The following CAMK1D variants were observed in gnomAD, a reference collection of about 807,000 sequenced individuals.
CAMK1D encodes calcium/calmodulin-dependent protein kinase type 1D.
A neutral mutation model predicts 47.7 loss-of-function variants in CAMK1D; 9 were observed. The ratio of observed to expected loss-of-function variants is 0.19; its 90% CI spans 0.11 to 0.33. The LOEUF (loss-of-function observed/expected upper bound fraction) is 0.33. CAMK1D is among the 10% of genes least tolerant of loss of function. The pLI, the probability that CAMK1D is intolerant of heterozygous loss-of-function variation, is 1.00. For synonymous variants in CAMK1D, 184 were observed against 184.9 expected (o/e 0.99, Z 0.04); for missense variants, 291 against 488.7 (o/e 0.60, Z 3.81).
Position 12,691,731 on chromosome 10 carries a change from A to T in CAMK1D, c.299+24921A>T, listed in dbSNP as rs541351094. On this transcript the variant is annotated intron_variant, in intron 3 of 10. Coordinates refer to ENST00000619168, the MANE Select transcript of CAMK1D (RefSeq NM_153498.4). Reference sequence around the variant, plus strand: ...CTCCCAACGTGCTGGGATTACAAGCATGAGCCACCGCATCTGCTCCTCTAT... The same window carrying T: ...CTCCCAACGTGCTGGGATTACAAGCTTGAGCCACCGCATCTGCTCCTCTAT... 2.8e-4 allele frequency among the ~76,000 whole-genome samples: 43 copies of T among 152,116 alleles called. No individual in the cohort carries two copies. In the South Asian group the frequency reaches 7.7e-3, roughly 27 times the overall value.
At chr10:12,446,992 C>G (rs1043138077) in intron 1 of CAMK1D, among the ~76,000 whole-genome samples, 3 of 152,192 alleles carry the variant, frequency 2.0e-5, no homozygotes, top group Non-Finnish European at 2.9e-5. Flanking sequence ...CCCAATTCAT[C>G]CTAAGACATT....
chr10:12,378,174 C>T (rs940968052), intron 1 of CAMK1D, among the ~76,000 whole-genome samples: 2 of 152,248 alleles, frequency 1.3e-5, no homozygotes, highest in African/African-American at 2.4e-5. Context: ...GCCCAGGGGC[C>T]CATGTGCAAA....
At chr10:12,711,990 C>T (rs1236220776) in intron 3 of CAMK1D, among the ~76,000 whole-genome samples, 2 of 152,188 alleles carry the variant, frequency 1.3e-5, no homozygotes, top group African/African-American at 4.8e-5. Context: ...GATCAGGTTT[C>T]TCCTAAGTTT....
chr10:12,510,280 G>A (rs539027872), intron 1 of CAMK1D, among the ~76,000 whole-genome samples: 1 of 152,316 alleles, frequency 6.6e-6, no homozygotes, highest in Admixed American at 6.5e-5. Flanking sequence ...GCTGGGCGTG[G>A]TGGCACATAC....
At chr10:12,635,892 T>G (rs1839500424) in intron 2 of CAMK1D, among the ~76,000 whole-genome samples, 1 of 152,226 alleles carries the variant, frequency 6.6e-6, no homozygotes, top group Non-Finnish European at 1.5e-5. Flanking sequence ...ATTGCATATT[T>G]CAGTTATAAG....
chr10:12,752,852 A>G (rs577206750), intron 3 of CAMK1D, among the ~76,000 whole-genome samples: 2 of 152,318 alleles, frequency 1.3e-5, no homozygotes, highest in African/African-American at 4.8e-5. Flanking sequence ...TCTGTAACCA[A>G]GTCATATTCT....
At chr10:12,650,260 G>C (rs532549388) in intron 2 of CAMK1D, among the ~76,000 whole-genome samples, 1 of 152,238 alleles carries the variant, frequency 6.6e-6, no homozygotes, top group Non-Finnish European at 1.5e-5. Flanking sequence ...CACCAGCCCA[G>C]ACTGGAGCGC....
At chr10:12,723,937 G>A (rs1834504378) in intron 3 of CAMK1D, among the ~76,000 whole-genome samples, 1 of 152,088 alleles carries the variant, frequency 6.6e-6, no homozygotes, top group East Asian at 1.9e-4. Context: ...AGGCCCCGGT[G>A]TGTGATGTTC....
At chr10:12,713,955 C>G (rs1169512761) in intron 3 of CAMK1D, among the ~76,000 whole-genome samples, 1 of 152,200 alleles carries the variant, frequency 6.6e-6, no homozygotes, top group Non-Finnish European at 1.5e-5. Flanking sequence ...AAACTGTAAT[C>G]AGAAGATCGC....
chr10:12,530,195 C>T (rs1465773685), intron 1 of CAMK1D, among the ~76,000 whole-genome samples: 1 of 152,180 alleles, frequency 6.6e-6, no homozygotes. Context: ...TTCAGCACTG[C>T]CCCCGTTGAA....
intron 6 of CAMK1D, among the ~76,000 whole-genome samples, chr10:12,801,211 T>A (rs1838415735): frequency 6.6e-6 from 1 of 151,756 alleles, no homozygotes; most frequent in Non-Finnish European, 1.5e-5. Flanking sequence ...TTTCAGATGT[T>A]ACATCTCTAG....
chr10:12,372,391 T>C (rs1364236274), intron 1 of CAMK1D, among the ~76,000 whole-genome samples: 1 of 152,200 alleles, frequency 6.6e-6, no homozygotes, highest in Non-Finnish European at 1.5e-5. Flanking sequence ...GACCTATCTG[T>C]CTTGAAGAAT....
At chr10:12,498,803 C>T (rs1834617090) in intron 1 of CAMK1D, among the ~76,000 whole-genome samples, 1 of 152,156 alleles carries the variant, frequency 6.6e-6, no homozygotes, top group African/African-American at 2.4e-5. Context: ...GCCATGAACT[C>T]CCTACTTCTT....
intron 2 of CAMK1D, among the ~76,000 whole-genome samples, chr10:12,596,847 AT>A (rs1327801832): frequency 3.3e-5 from 5 of 150,670 alleles, no homozygotes; most frequent in Non-Finnish European, 5.9e-5. Flanking sequence ...AGACCTGGTA[AT>A]TTTTTTTCTC....
intron 6 of CAMK1D, among the ~76,000 whole-genome samples, chr10:12,807,091 A>G (rs1838765361): frequency 6.6e-6 from 1 of 152,028 alleles, no homozygotes; most frequent in Non-Finnish European, 1.5e-5. Context: ...GCTGTATTCC[A>G]GCACCCCCAT....
intron 3 of CAMK1D, among the ~76,000 whole-genome samples, chr10:12,680,717 A>T (rs1182769345): frequency 6.6e-6 from 1 of 151,980 alleles, no homozygotes; most frequent in Non-Finnish European, 1.5e-5. Context: ...TCTGGGTTTG[A>T]AGGAAGCATT....
chr10:12,820,503 G>A (rs1200922341), intron 8 of CAMK1D, among the ~76,000 whole-genome samples: 2 of 152,230 alleles, frequency 1.3e-5, no homozygotes, highest in African/African-American at 4.8e-5. Context: ...AGAATATGGA[G>A]TCATTCCTCC....
intron 2 of CAMK1D, among the ~76,000 whole-genome samples, chr10:12,604,678 G>T (rs1468972835): frequency 6.6e-6 from 1 of 152,166 alleles, no homozygotes; most frequent in Non-Finnish European, 1.5e-5. Context: ...TCAGGTTCCA[G>T]TTGACTTTGG....
intron 1 of CAMK1D, among the ~76,000 whole-genome samples, chr10:12,537,450 G>A (rs1049829258): frequency 6.6e-6 from 1 of 152,152 alleles, no homozygotes; most frequent in Non-Finnish European, 1.5e-5. Flanking sequence ...CCAAAATGTT[G>A]TAGCAATTTA....
Sources: allele counts gnomAD v4.1 joint callset (sites outside exome capture counted in the v4.1 genomes callset), GRCh38; gene constraint gnomAD v4.1.1; transcripts MANE v1.5; gene names NCBI Gene and HGNC (gene_info 2026-07-23, HGNC 2026-07-21).